Variants in ATP11C observed in about 807,000 individuals in gnomAD.
ATP11C encodes phospholipid-transporting ATPase IG.
Under a neutral mutation model 97.4 loss-of-function variants are expected in ATP11C, and 36 were observed. That is an observed-to-expected ratio of 0.37 (90% CI 0.28 to 0.49). The LOEUF (loss-of-function observed/expected upper bound fraction) is 0.49. Ranked by LOEUF, ATP11C falls within the 20% of genes least tolerant of loss-of-function variation. The pLI is 0.98. For synonymous variants in ATP11C, 275 were observed against 290.9 expected (o/e 0.95, Z 0.56); for missense variants, 730 against 824.6 (o/e 0.89, Z 1.40).
chrX:139,808,929 A>G (rs1180049802), intron 5 of ATP11C, among the ~76,000 whole-genome samples: 2 of 111,502 alleles, frequency 1.8e-5, no homozygotes, highest in Non-Finnish European at 3.8e-5. Flanking sequence ...TCTGGCCAAC[A>G]TGGCAAAACC....
intron 1 of ATP11C, among the ~76,000 whole-genome samples, chrX:139,883,759 G>A (rs775317601): frequency 2.5e-4 from 28 of 111,698 alleles, no homozygotes; most frequent in African/African-American, 8.1e-4. Flanking sequence ...AAATTTTACA[G>A]ACTGAATATA....
At chrX:139,829,412 G>A (rs1427315173) in intron 1 of ATP11C, among the ~76,000 whole-genome samples, 3 of 112,282 alleles carry the variant, frequency 2.7e-5, no homozygotes, top group Non-Finnish European at 3.8e-5. Flanking sequence ...CCCACCTGCT[G>A]CCAATATAGA....
At chrX:139,857,337 A>G (rs2084107461) in intron 1 of ATP11C, among the ~76,000 whole-genome samples, 1 of 112,138 alleles carries the variant, frequency 8.9e-6, no homozygotes, top group East Asian at 2.8e-4. Context: ...GCTGTTAGAT[A>G]TGAGTTCTAA....
intron 1 of ATP11C, among the ~76,000 whole-genome samples, chrX:139,865,147 C>T (rs780855933): frequency 2.4e-4 from 27 of 111,658 alleles, no homozygotes; most frequent in Non-Finnish European, 4.3e-4. Flanking sequence ...AAGGCTGAGG[C>T]AGGATTGCTT....
At chrX:139,902,248 T>A (rs1343120955) in intron 1 of ATP11C, among the ~76,000 whole-genome samples, 1 of 111,413 alleles carries the variant, frequency 9.0e-6, no homozygotes. Context: ...TTGATTGATG[T>A]CTCAGGTCTC....
intron 8 of ATP11C, 115 bp from the exon 9 acceptor site, chrX:139,798,858 T>C (rs1193857140): frequency 3.9e-6 from 2 of 515,607 alleles, no homozygotes; most frequent in Middle Eastern, 3.5e-4. Context: ...GTTATCTGTC[T>C]ACTTATACCA....
intron 1 of ATP11C, among the ~76,000 whole-genome samples, chrX:139,912,486 G>C (rs987501003): frequency 1.8e-5 from 2 of 110,480 alleles, no homozygotes; most frequent in African/African-American, 3.3e-5. Flanking sequence ...TATTCTATTT[G>C]CATAGAATAT....
At chrX:139,860,067 T>G (rs1395642203) in intron 1 of ATP11C, among the ~76,000 whole-genome samples, 1 of 66,568 alleles carries the variant, frequency 1.5e-5, no homozygotes, top group Non-Finnish European at 2.2e-5. Context: ...ATCCCGCCAC[T>G]GCACTCCAGC....
chrX:139,774,432 A>AGGTATTTAGAGTC (rs1256171864), intron 19 of ATP11C, among the ~76,000 whole-genome samples: 3 of 112,446 alleles, frequency 2.7e-5, no homozygotes, highest in Non-Finnish European at 5.6e-5. Flanking sequence ...CCTAGACTCT[A>AGGTATTTAGAGTC]AACATTTAAA....
rs2083253621 is a variant in ATP11C, at chrX:139,814,895, C to G, written c.409G>C (p.Glu137Gln). ...AAAAATACCTTGATTTTTTCACTTT[C>G]TTTTCTCACTCGCTTTGCATTTTCA... is the stretch of plus-strand genomic sequence containing the variant. ...IIENAKRVRK[E>Q]SEKIKVGDVV... The change falls in exon 5 of 30, where the codon GAA (glutamate) becomes CAA (glutamine). Residue 137 changes from glutamate to glutamine, a missense_variant. By Grantham distance (29) the Glu-to-Gln change is conservative (BLOSUM62 2). Coordinates refer to ENST00000682941, the MANE Select transcript of ATP11C (RefSeq NM_001353812.2). 8.5e-7 allele frequency: 1 copy of G among 1,170,555 alleles called. No individual in the cohort carries two copies. Among genetic ancestry groups the G allele is most frequent in the Non-Finnish European group, 1.1e-6 (1 of 875,417 alleles).
In ATP11C at chrX:139,932,109, A is replaced by T; in HGVS notation, c.-67T>A. 9.6e-7 allele frequency: 1 copy of T among 1,044,947 alleles called. No homozygotes were observed. Among genetic ancestry groups the T allele is most frequent in the Non-Finnish European group, 1.3e-6 (1 of 795,787 alleles). The allele number at this position is 1,044,947 out of a possible 1,213,427, so 86.1% of individuals were successfully genotyped here. A position where few individuals can be genotyped will look rare whatever the true frequency, so the allele number is the denominator to read the frequency against. On this transcript the variant is annotated 5_prime_UTR_variant, in exon 1 of 30. Coordinates refer to ENST00000682941, the MANE Select transcript of ATP11C (RefSeq NM_001353812.2). ...CTGTCTGGGAAGGCGCCGTCCACAA[A>T]ACACACTGCGGCGTGGGCCGGCGGC...
intron 1 of ATP11C, among the ~76,000 whole-genome samples, chrX:139,898,237 G>C (rs928453734): frequency 2.7e-5 from 3 of 111,289 alleles, no homozygotes; most frequent in Non-Finnish European, 5.6e-5. Context: ...TAAGATATCA[G>C]AACCTGCAAA....
chrX:139,794,381 C>T (rs889633666), intron 12 of ATP11C, among the ~76,000 whole-genome samples: 2 of 112,417 alleles, frequency 1.8e-5, no homozygotes, highest in Non-Finnish European at 3.8e-5. Context: ...TACTGGTTTA[C>T]TGAATACTAA....
chrX:139,784,849 C>A (rs1180471559), intron 16 of ATP11C, among the ~76,000 whole-genome samples: 1 of 111,404 alleles, frequency 9.0e-6, no homozygotes, highest in Non-Finnish European at 1.9e-5. Flanking sequence ...CTCAAGGATT[C>A]TGCTGCTAGT....
At position 139,797,235 on chromosome X, in the gene ATP11C, G is replaced by A; in HGVS notation, c.949C>T (p.Pro317Ser). 8.3e-7 allele frequency: 1 copy of A among 1,203,222 alleles called. No homozygotes were observed. The highest frequency in any genetic ancestry group is 1.8e-5 in the South Asian group (1 of 56,005). The change falls in exon 11 of 30, where the codon CCA (proline) becomes TCA (serine). Residue 317 changes from proline (P) to serine (S), a missense_variant. Pro to Ser is a moderately conservative substitution (Grantham distance 74). Transcript: ENST00000682941. Reference sequence around the variant, plus strand: ...TTATACCAAGGTTCATCATTGTATGGGGTACTTTGCCAAACATACTTTAGA... The same window carrying A: ...TTATACCAAGGTTCATCATTGTATGAGGTACTTTGCCAAACATACTTTAGA... ...TTLKYVWQST[P>S]YNDEPWYNQK...
At chrX:139,881,762 C>T (rs1209051999) in intron 1 of ATP11C, among the ~76,000 whole-genome samples, 2 of 111,923 alleles carry the variant, frequency 1.8e-5, no homozygotes, top group Non-Finnish European at 3.8e-5. Flanking sequence ...ATCTTTATCG[C>T]ACTTTTCCTG....
In ATP11C at chrX:139,835,494, T is replaced by C. The variant is rs1359720982; in HGVS notation, c.28-8671A>G. On this transcript the variant is annotated intron_variant, in intron 1 of 29. Coordinates refer to ENST00000682941, the MANE Select transcript of ATP11C (RefSeq NM_001353812.2). ...ATCTCGGCTCACTGCAACCTCCGCC[T>C]CCTGGGTTCAAGCAGTTCTCCTGCC... Among the ~76,000 whole-genome samples the C allele has an allele frequency of 3.7e-5, 4 of 109,065 alleles. No homozygotes were observed. In the Admixed American group the frequency reaches 3.9e-4, roughly 11 times the overall value. 94.7% of individuals were successfully genotyped at this position (109,065 alleles called of 115,157 possible). A position where few individuals can be genotyped will look rare whatever the true frequency, so the allele number is the denominator to read the frequency against.
At chrX:139,742,409 T>C (rs917736293) in intron 26 of ATP11C, among the ~76,000 whole-genome samples, 4 of 111,659 alleles carry the variant, frequency 3.6e-5, no homozygotes, top group African/African-American at 6.5e-5. Context: ...TTTAAGGTCC[T>C]AAAATGTTAC....
chrX:139,792,694 C>T (rs2082717874), intron 12 of ATP11C, among the ~76,000 whole-genome samples: 1 of 111,349 alleles, frequency 9.0e-6, no homozygotes, highest in Non-Finnish European at 1.9e-5. Context: ...TGTTGAGTGG[C>T]TATGTGAGAA....
Sources: gnomAD v4.1 joint callset for allele counts (sites outside exome capture counted in the v4.1 genomes callset) on GRCh38, gnomAD v4.1.1 for gene constraint, MANE v1.5 for transcripts, NCBI Gene and HGNC (gene_info 2026-07-23, HGNC 2026-07-21) for gene names.